Variants in FAM171B observed in about 807,000 individuals in gnomAD.
FAM171B encodes family with sequence similarity 171 member B.
Under a neutral mutation model 75.6 loss-of-function variants are expected in FAM171B, and 19 were observed. The observed-to-expected ratio is 0.25, with a 90% CI of 0.18 to 0.37. FAM171B has a LOEUF of 0.37. Ranked by LOEUF, FAM171B falls within the 10% of genes least tolerant of loss-of-function variation. The pLI is 1.00. For missense variants in FAM171B, 848 were observed against 982.4 expected, an observed-to-expected ratio of 0.86 and a Z score of 1.83; for synonymous variants, 367 against 361.7, an observed-to-expected ratio of 1.01 and a Z score of -0.17.
intron 5 of FAM171B, among the ~76,000 whole-genome samples, chr2:186,752,330 T>C (rs73979357): frequency 0.021 from 3,182 of 152,248 alleles, 120 homozygotes; most frequent in African/African-American, 0.072. Flanking sequence ...TGAAATGGGA[T>C]TTCCTGTTAG....
At chr2:186,741,076 G>C (rs186553000) in intron 2 of FAM171B, among the ~76,000 whole-genome samples, 81 of 152,162 alleles carry the variant, frequency 5.3e-4, no homozygotes, top group African/African-American at 1.8e-3. Context: ...GCTATAAGTT[G>C]TATTATGGTA....
intron 1 of FAM171B, among the ~76,000 whole-genome samples, chr2:186,735,400 TC>T (rs926344878): frequency 6.6e-6 from 1 of 152,168 alleles, no homozygotes; most frequent in Non-Finnish European, 1.5e-5. Context: ...AAATGGCCAA[TC>T]CTTAGGTTCT....
Position 186,738,114 on chromosome 2 carries a change from T to G in FAM171B, c.239-2114T>G, listed in dbSNP as rs577791924. Among the ~76,000 whole-genome samples the G allele has an allele frequency of 3.2e-4, 48 of 152,348 alleles. No homozygotes were observed. The South Asian group carries it at 9.5e-3, about 30-fold the overall frequency. On this transcript the variant is annotated intron_variant, in intron 1 of 7. Coordinates refer to ENST00000304698, the MANE Select transcript of FAM171B (RefSeq NM_177454.4). The stretch of plus-strand genomic sequence containing the variant: ...CCCCAAGGGATGTTACAGCTCTTGC[T>G]TGGGGAGTCCTGAGGTCTGAGCTTC...
At position 186,764,274 on chromosome 2, in the gene FAM171B, A is replaced by C. The variant is rs1311648969; in HGVS notation, c.*1451A>C. 1 of 152,038 alleles carries C rather than the reference A, an allele frequency of 6.6e-6. No homozygotes were observed. Among genetic ancestry groups the C allele is most frequent in the Non-Finnish European group, 1.5e-5 (1 of 67,946 alleles). The allele number at this position is 152,038 out of a possible 1,614,324, so 9.4% of individuals were successfully genotyped here. A position where few individuals can be genotyped will look rare whatever the true frequency, so the allele number is the denominator to read the frequency against. Reference sequence around the variant, plus strand: ...ACCATGTAAACAAGTTCAGTGAACCAAAACAGCCACATTAGCTTCAGTAAA... The same window carrying C: ...ACCATGTAAACAAGTTCAGTGAACCCAAACAGCCACATTAGCTTCAGTAAA... On this transcript the variant is annotated 3_prime_UTR_variant, in exon 8 of 8. Coordinates refer to ENST00000304698, the MANE Select transcript of FAM171B (RefSeq NM_177454.4).
At chr2:186,723,434 G>A (rs1016051830) in intron 1 of FAM171B, among the ~76,000 whole-genome samples, 1 of 151,962 alleles carries the variant, frequency 6.6e-6, no homozygotes, top group African/African-American at 2.4e-5. Flanking sequence ...TCTCAAATGA[G>A]ACTTTCCCCC....
chr2:186,763,258 G>A lies in FAM171B; in HGVS notation c.*435G>A, dbSNP rs116122403. 673 of 159,144 alleles carry A rather than the reference G, an allele frequency of 4.2e-3. 6 individuals are homozygous for A. The highest frequency in any genetic ancestry group is 0.015 in the African/African-American group (640 of 41,534). 9.9% of individuals were successfully genotyped at this position (159,144 alleles called of 1,614,324 possible). A position where few individuals can be genotyped will look rare whatever the true frequency, so the allele number is the denominator to read the frequency against. On this transcript the variant is annotated 3_prime_UTR_variant, in exon 8 of 8. Transcript: ENST00000304698. ...ATATTATTTTAAATGTTACTATTAC[G>A]TCTTCTTCTGCCTATACTTAAAAAT...
intron 1 of FAM171B, among the ~76,000 whole-genome samples, chr2:186,698,673 A>G (rs1474876620): frequency 1.3e-5 from 2 of 152,206 alleles, no homozygotes; most frequent in African/African-American, 4.8e-5. Context: ...AAAATGTACA[A>G]TAAGTTATTG....
At chr2:186,728,244 C>A (rs1161295839) in intron 1 of FAM171B, among the ~76,000 whole-genome samples, 2 of 152,142 alleles carry the variant, frequency 1.3e-5, no homozygotes, top group African/African-American at 4.8e-5. Context: ...AAATTAATTT[C>A]TACATAATTT....
intron 1 of FAM171B, among the ~76,000 whole-genome samples, chr2:186,709,860 A>C (rs1345362621): frequency 2.6e-5 from 4 of 152,224 alleles, no homozygotes; most frequent in African/African-American, 9.6e-5. Context: ...GACTTTTAAA[A>C]AATGTAATTG....
intron 1 of FAM171B, among the ~76,000 whole-genome samples, chr2:186,697,910 T>C (rs1689605406): frequency 6.6e-6 from 1 of 152,096 alleles, no homozygotes; most frequent in Non-Finnish European, 1.5e-5. Flanking sequence ...AAAATCAGGA[T>C]TTAAAAAAGT....
chr2:186,704,157 G>T (rs1159753037), intron 1 of FAM171B, among the ~76,000 whole-genome samples: 1 of 152,010 alleles, frequency 6.6e-6, no homozygotes, highest in Non-Finnish European at 1.5e-5. Context: ...TGTGCTGTTT[G>T]ATTCTGGAGG....
chr2:186,745,053 C>T (rs1482509033), intron 3 of FAM171B, among the ~76,000 whole-genome samples: 1 of 152,140 alleles, frequency 6.6e-6, no homozygotes, highest in Non-Finnish European at 1.5e-5. Flanking sequence ...TGGTCTCAAA[C>T]TCCTGACCTC....
intron 1 of FAM171B, among the ~76,000 whole-genome samples, chr2:186,698,520 A>T (rs1271327886): frequency 6.6e-6 from 1 of 151,980 alleles, no homozygotes; most frequent in Non-Finnish European, 1.5e-5. Flanking sequence ...TTAATTTTTA[A>T]TTTTTATGGG....
chr2:186,701,937 T>C (rs1689668109), intron 1 of FAM171B, among the ~76,000 whole-genome samples: 1 of 152,256 alleles, frequency 6.6e-6, no homozygotes, highest in Non-Finnish European at 1.5e-5. Flanking sequence ...CTTGGCTTAG[T>C]GTAATGTTTC....
chr2:186,748,312 T>C (rs1690400948), intron 4 of FAM171B, among the ~76,000 whole-genome samples: 1 of 148,824 alleles, frequency 6.7e-6, no homozygotes, highest in African/African-American at 2.5e-5. Flanking sequence ...GATAGTTTCT[T>C]TTTTTTTTTT....
chr2:186,746,136 G>A (rs927641141), intron 3 of FAM171B, among the ~76,000 whole-genome samples: 2 of 152,186 alleles, frequency 1.3e-5, no homozygotes, highest in Admixed American at 1.3e-4. Context: ...AGGTGTAAGA[G>A]TTGATCTTTG....
chr2:186,731,373 G>A (rs993973317), intron 1 of FAM171B, among the ~76,000 whole-genome samples: 6 of 152,250 alleles, frequency 3.9e-5, no homozygotes, highest in African/African-American at 1.4e-4. Context: ...CAATGGTAAG[G>A]CCTCATAGAC....
intron 1 of FAM171B, 90 bp from the exon 2 acceptor site, chr2:186,740,138 G>C (rs1690266298): frequency 1.2e-6 from 1 of 847,612 alleles, no homozygotes; most frequent in Admixed American, 2.3e-5. Context: ...GTTTTGTACT[G>C]TTATTTAGAT....
At chr2:186,718,261 C>A (rs894322792) in intron 1 of FAM171B, among the ~76,000 whole-genome samples, 2 of 152,222 alleles carry the variant, frequency 1.3e-5, no homozygotes, top group Non-Finnish European at 2.9e-5. Context: ...GGTCTTGTCA[C>A]ACACGGCTCA....
Sources: allele counts gnomAD v4.1 joint callset (sites outside exome capture counted in the v4.1 genomes callset), GRCh38; gene constraint gnomAD v4.1.1; transcripts MANE v1.5; gene names NCBI Gene and HGNC (gene_info 2026-07-23, HGNC 2026-07-21).